Variants in DIP2C observed in about 807,000 individuals in gnomAD.
DIP2C encodes DIP2 acetate--CoA ligase C (putative), also known as disco-interacting protein 2 homolog C.
In DIP2C, 33 loss-of-function variants were observed where a neutral mutation model predicts 192.4. The ratio of observed to expected loss-of-function variants is 0.17; its 90% CI spans 0.13 to 0.23. DIP2C has a LOEUF of 0.23. DIP2C is among the 10% of genes least tolerant of loss of function. The pLI is 1.00. For missense variants in DIP2C, 1,537 were observed against 2,110.1 expected, an observed-to-expected ratio of 0.73 and a Z score of 5.32; for synonymous variants, 979 against 864.1, an observed-to-expected ratio of 1.13 and a Z score of -2.33.
intron 22 of DIP2C, 143 bp downstream of exon 22, chr10:362,347 T>G: frequency 2.1e-6 from 2 of 934,630 alleles, no homozygotes; most frequent in Non-Finnish European, 3.1e-6. Context: ...CCCCCACCCA[T>G]TCTATTTTCT....
chr10:491,909 C>T (rs1162379428), intron 1 of DIP2C, among the ~76,000 whole-genome samples: 3 of 152,150 alleles, frequency 2.0e-5, no homozygotes, highest in Non-Finnish European at 2.9e-5. Context: ...AGATGGACCA[C>T]AGAAAACCAG....
intron 24 of DIP2C, among the ~76,000 whole-genome samples, chr10:352,027 C>T (rs552904759): frequency 2.6e-5 from 4 of 152,354 alleles, no homozygotes; most frequent in South Asian, 4.1e-4. Flanking sequence ...GCCCCCGCCC[C>T]GCTGAGGGAG....
At chr10:356,164 A>G in intron 24 of DIP2C, 1 of 579,454 alleles carries the variant, frequency 1.7e-6, no homozygotes, top group East Asian at 2.9e-5. Context: ...TCTTGCAGAT[A>G]TCATTACTCA....
intron 1 of DIP2C, among the ~76,000 whole-genome samples, chr10:671,565 T>C (rs112077883): frequency 6.2e-4 from 12 of 19,306 alleles, no homozygotes; most frequent in Admixed American, 1.5e-3. Flanking sequence ...GGAGGAAACG[T>C]CACAGACGCA....
chr10:350,542 T>A (rs1958740742), intron 24 of DIP2C, among the ~76,000 whole-genome samples: 1 of 151,902 alleles, frequency 6.6e-6, no homozygotes, highest in South Asian at 2.1e-4. Context: ...AGGGTGAGGA[T>A]CTTCCCTCAA....
intron 5 of DIP2C, among the ~76,000 whole-genome samples, chr10:420,196 C>CT (rs1381100041): frequency 6.6e-6 from 1 of 152,250 alleles, no homozygotes; most frequent in African/African-American, 2.4e-5. Flanking sequence ...CGGAGGCCGT[C>CT]TAGACGGCGA....
intron 17 of DIP2C, among the ~76,000 whole-genome samples, chr10:376,275 G>GGACCCAGGCC (rs1961574290): frequency 7.1e-6 from 1 of 140,160 alleles, no homozygotes; most frequent in African/African-American, 2.9e-5. Context: ...GCAGGGAGAA[G>GGACCCAGGCC]GACCCAGGCC....
intron 1 of DIP2C, among the ~76,000 whole-genome samples, chr10:638,231 G>A (rs143782747): frequency 0.01 from 1,524 of 152,334 alleles, 12 homozygotes; most frequent in Non-Finnish European, 0.014. Flanking sequence ...AGAGCTAGGT[G>A]GAAGTAATTC....
chr10:364,510 C>T lies in DIP2C; in HGVS notation c.2341G>A (p.Val781Met), dbSNP rs143263010. The T allele has an allele frequency of 2.5e-5, 41 of 1,614,074 alleles. No homozygotes were observed. The highest frequency in any genetic ancestry group is 2.2e-4 in the East Asian group (10 of 44,894). The change falls in exon 20 of 37, where the codon GTG (valine) becomes ATG (methionine). Residue 781 changes from valine (V) to methionine (M), a missense_variant. Val to Met is a conservative substitution (Grantham distance 21, BLOSUM62 1). Transcript: ENST00000280886. ...ACGAAGACGAGGCCTCCGGGACCCA[C>T]GAACCCCAGCAAGCCTGTCCTTATG... ...PFIRTGLLGF[V>M]GPGGLVFVVG...
chr10:509,335 G>GAC (rs1564803206), intron 1 of DIP2C, among the ~76,000 whole-genome samples: 1 of 151,930 alleles, frequency 6.6e-6, no homozygotes, highest in African/African-American at 2.4e-5. Context: ...GAAGCTCAGA[G>GAC]ACACTAAGGA....
At chr10:670,618 A>G (rs1830585982) in intron 1 of DIP2C, among the ~76,000 whole-genome samples, 1 of 152,238 alleles carries the variant, frequency 6.6e-6, no homozygotes, top group South Asian at 2.1e-4. Flanking sequence ...CATTTACATA[A>G]GGAACAGAAA....
chr10:398,305 G>A (rs989072241), intron 10 of DIP2C, among the ~76,000 whole-genome samples: 6 of 152,066 alleles, frequency 3.9e-5, no homozygotes, highest in East Asian at 1.9e-4. Context: ...CCACAACCCC[G>A]AACCCTAAGA....
intron 1 of DIP2C, among the ~76,000 whole-genome samples, chr10:573,567 A>C (rs1448883176): frequency 6.6e-6 from 1 of 151,788 alleles, no homozygotes. Flanking sequence ...CAACCCTCAC[A>C]CCCAGCTAAT....
At chr10:582,786 T>C (rs1344363140) in intron 1 of DIP2C, among the ~76,000 whole-genome samples, 5 of 152,158 alleles carry the variant, frequency 3.3e-5, no homozygotes, top group East Asian at 3.9e-4. Context: ...GGTTTAAATA[T>C]AGTGGAATCA....
At chr10:490,372 G>A (rs1844345637) in intron 1 of DIP2C, among the ~76,000 whole-genome samples, 1 of 152,220 alleles carries the variant, frequency 6.6e-6, no homozygotes, top group African/African-American at 2.4e-5. Context: ...CCTTCCCCAC[G>A]TTTCTAAGCT....
At chr10:545,741 G>C (rs1848251599) in intron 1 of DIP2C, among the ~76,000 whole-genome samples, 1 of 152,182 alleles carries the variant, frequency 6.6e-6, no homozygotes, top group East Asian at 1.9e-4. Context: ...TCCATTTTGA[G>C]CTATTTTTTT....
chr10:467,830 C>T (rs1970344243), intron 3 of DIP2C, among the ~76,000 whole-genome samples: 1 of 152,072 alleles, frequency 6.6e-6, no homozygotes, highest in Non-Finnish European at 1.5e-5. Context: ...GGAGGGATAG[C>T]ATTAGGAGAA....
Position 336,766 on chromosome 10 carries a change from G to A in DIP2C, c.3584+4433C>T, listed in dbSNP as rs568131491. 1.1e-3 allele frequency among the ~76,000 whole-genome samples: 174 copies of A among 152,348 alleles called. 1 individual carries two copies. Among genetic ancestry groups the A allele is most frequent in the Non-Finnish European group, 4.3e-4 (29 of 68,036 alleles). ...GTCCTGTCCCTGAAGGCCCTCCAGT[G>A]GGACAAGAGGTGGAGGGGAAAACAG... On this transcript the variant is annotated intron_variant, in intron 29 of 36. Coordinates refer to ENST00000280886, the MANE Select transcript of DIP2C (RefSeq NM_014974.3).
intron 1 of DIP2C, among the ~76,000 whole-genome samples, chr10:604,844 GA>G (rs1294826358): frequency 6.6e-6 from 1 of 152,170 alleles, no homozygotes; most frequent in Non-Finnish European, 1.5e-5. Context: ...GACCATACTG[GA>G]GCGAAGGAAA....
Sources: allele counts gnomAD v4.1 joint callset (sites outside exome capture counted in the v4.1 genomes callset), GRCh38; gene constraint gnomAD v4.1.1; transcripts MANE v1.5; gene names NCBI Gene and HGNC (gene_info 2026-07-23, HGNC 2026-07-21).